Variants in FCGR3A observed in about 807,000 individuals in gnomAD.
FCGR3A encodes the protein Fc gamma receptor IIIa.
FCGR3A carries 13 observed loss-of-function variants against 24.1 expected under a neutral mutation model. That is an observed-to-expected ratio of 0.54 (90% CI 0.35 to 0.86). FCGR3A has a LOEUF of 0.86. Ranked by LOEUF, FCGR3A falls within the 40% of genes least tolerant of loss-of-function variation. The pLI is 0.01. For missense variants in FCGR3A, 235 were observed against 298.0 expected, an observed-to-expected ratio of 0.79 and a Z score of 1.56; for synonymous variants, 93 against 112.2, an observed-to-expected ratio of 0.83 and a Z score of 1.08.
At chr1:161,545,097 G>A (rs1287352707) in intron 3 of FCGR3A, 139 bp from the exon 4 acceptor site, 2 of 1,019,822 alleles carry the variant, frequency 2.0e-6, no homozygotes, top group Admixed American at 2.9e-5. Flanking sequence ...TCCCTTTGGG[G>A]AAGAGCTGAT....
upstream of FCGR3A, chr1:161,549,976 C>A (rs1208145041): frequency 3.4e-5 from 33 of 957,424 alleles, no homozygotes; most frequent in Non-Finnish European, 5.1e-5. Flanking sequence ...GGGTCTGCCC[C>A]CTTTACTCCC....
chr1:161,548,967 T>C lies in FCGR3A; in HGVS notation c.61+44A>G, dbSNP rs12128686. On this transcript the variant is annotated intron_variant, in intron 2 of 4. Coordinates refer to ENST00000443193, the MANE Select transcript of FCGR3A (RefSeq NM_000569.8). ...CAATATCTTATGGCCTTTGTCCCCATATGTGCCCCACTGGGTCAATCCAAG... is the reference window on the plus strand; with the variant it reads ...CAATATCTTATGGCCTTTGTCCCCACATGTGCCCCACTGGGTCAATCCAAG... 0.1 allele frequency: 162,292 copies of C among 1,589,464 alleles called. 8,933 individuals carry two copies. The highest frequency in any genetic ancestry group is 0.17 in the South Asian group (15,149 of 89,876).
At chr1:161,550,650 G>A (rs1387879016), upstream of FCGR3A, 1 of 132,098 alleles carries the variant, frequency 7.6e-6, no homozygotes, top group African/African-American at 4.1e-5. Context: ...AAAGGTGGAG[G>A]GGGGTGGCCA....
Position 161,542,187 on chromosome 1 carries a change from C to T in FCGR3A, c.*825G>A, listed in dbSNP as rs1250170022. 3 of 152,476 alleles carry T rather than the reference C, an allele frequency of 2.0e-5. No homozygotes were observed. Among genetic ancestry groups the T allele is most frequent in the Non-Finnish European group, 4.4e-5 (3 of 68,184 alleles). The allele number at this position is 152,476 out of a possible 1,614,324, so 9.4% of individuals were successfully genotyped here. ...GTGTGCTTGTGGTTGGTTCTTTCTTCTCAGGCTTTCTCATTCTGATGCTGA... is the reference window on the plus strand; with the variant it reads ...GTGTGCTTGTGGTTGGTTCTTTCTTTTCAGGCTTTCTCATTCTGATGCTGA... On this transcript the variant is annotated 3_prime_UTR_variant, in exon 5 of 5. Coordinates refer to ENST00000443193, the MANE Select transcript of FCGR3A (RefSeq NM_000569.8).
Position 161,548,083 on chromosome 1 carries a change from T to A in FCGR3A, c.319+338A>T, listed in dbSNP as rs528516737. On this transcript the variant is annotated intron_variant, in intron 3 of 4. Transcript: ENST00000443193. ...GATACTCTGTCTCAAAAAATAAAAT[T>A]AAAAAAAATGAAAATAAATATATAA... is the stretch of plus-strand genomic sequence containing the variant. 9.2e-5 allele frequency among the ~76,000 whole-genome samples: 14 copies of A among 152,252 alleles called. No homozygotes were observed. The East Asian group carries it at 2.3e-3, about 25-fold the overall frequency.
rs776245877 is a variant in FCGR3A, at chr1:161,549,714, G to A, written c.23C>T (p.Thr8Ile). ...TGACTTACCTAGAAGTAGCAGAGCA[G>A]TTGGGAGGAGCAGCTGCCACATGAT... is the stretch of plus-strand genomic sequence containing the variant. MWQLLLP[T>I]ALLLLVSAGM... Residue 8 changes from threonine (T) to isoleucine (I), a missense_variant, in exon 1 of 5, where the codon ACT becomes ATT. Transcript: ENST00000443193. 6.2e-7 allele frequency: 1 copy of A among 1,613,804 alleles called. No individual in the cohort carries two copies. The highest frequency in any genetic ancestry group is 1.3e-5 in the African/African-American group (1 of 74,886).
intron 3 of FCGR3A, 149 bp from the exon 4 acceptor site, chr1:161,545,107 T>G: frequency 1.3e-6 from 1 of 783,452 alleles, no homozygotes; most frequent in African/African-American, 1.7e-5. Flanking sequence ...GAAGAGCTGA[T>G]GGGGCCCTGC....
In FCGR3A at chr1:161,543,274, C is replaced by A. The variant is rs1677218326; in HGVS notation, c.578-75G>T. 1.2e-5 allele frequency: 19 copies of A among 1,538,922 alleles called. No homozygotes were observed. The South Asian group carries it at 2.3e-4, about 19-fold the overall frequency. On this transcript the variant is annotated intron_variant, in intron 4 of 4. Coordinates refer to ENST00000443193, the MANE Select transcript of FCGR3A (RefSeq NM_000569.8). ...ATATTTGGAACAAACAGTGAGGTCA[C>A]CAGTAGAAAGTCTTTGACAACAGCC...
Position 161,543,126 on chromosome 1 carries a change from G to A in FCGR3A, c.651C>T (p.Leu217=). 1 of 1,613,438 alleles carries A rather than the reference G, an allele frequency of 6.2e-7. No homozygotes were observed. Among genetic ancestry groups the A allele is most frequent in the Non-Finnish European group, 8.5e-7 (1 of 1,179,632 alleles). ...YQVSFCLVMV[L]LFAVDTGLYF... is the part of the protein sequence containing the mutation. The stretch of plus-strand genomic sequence containing the variant: ...ATAGTCCTGTGTCCACTGCAAAAAG[G>A]AGTACCATCACCAAGCAGAAAGAGA... The change falls in exon 5 of 5, where the codon CTC becomes CTT. Residue 217 remains leucine (L), a synonymous_variant. Coordinates refer to ENST00000443193, the MANE Select transcript of FCGR3A (RefSeq NM_000569.8).
Position 161,545,112 on chromosome 1 carries a change from C to A in FCGR3A, c.320-154G>T, listed in dbSNP as rs549482975. ...TCCCTTTGGGGAAGAGCTGATGGGGCCCTGCAAGAGAACTGAAGTCATACC... is the reference window on the plus strand; with the variant it reads ...TCCCTTTGGGGAAGAGCTGATGGGGACCTGCAAGAGAACTGAAGTCATACC... On this transcript the variant is annotated intron_variant, in intron 3 of 4. Transcript: ENST00000443193. Among the ~76,000 whole-genome samples, 604 of 152,200 alleles carry A rather than the reference C, an allele frequency of 4.0e-3. 1 individual carries two copies. Among genetic ancestry groups the A allele is most frequent in the South Asian group, 0.03 (146 of 4,820 alleles).
chr1:161,545,604 G>C (rs934946649), intron 3 of FCGR3A: 3 of 152,076 alleles, frequency 2.0e-5, no homozygotes, highest in African/African-American at 4.8e-5. Context: ...CTTCAAGAGA[G>C]GAAATTCTTG....
At position 161,549,688 on chromosome 1, in the gene FCGR3A, C is replaced by G; in HGVS notation, c.40+9G>C. 1.9e-6 allele frequency: 3 copies of G among 1,613,630 alleles called. No homozygotes were observed. Among genetic ancestry groups the G allele is most frequent in the Non-Finnish European group, 2.5e-6 (3 of 1,179,764 alleles). ...AACTTCTCCCTCAACCAGGGAGACC[C>G]TGACTTACCTAGAAGTAGCAGAGCA... On this transcript the variant is annotated intron_variant, in intron 1 of 4. Transcript: ENST00000443193.
intron 3 of FCGR3A, among the ~76,000 whole-genome samples, chr1:161,545,993 T>C (rs1216378654): frequency 3.3e-5 from 5 of 152,128 alleles, no homozygotes; most frequent in African/African-American, 4.8e-5. Flanking sequence ...TTTACTTTTA[T>C]ATATTTTTGA....
chr1:161,548,942 C>G, intron 2 of FCGR3A, 69 bp downstream of exon 2: 1 of 1,542,568 alleles, frequency 6.5e-7, no homozygotes, highest in Non-Finnish European at 9.0e-7. Context: ...AAGCATTTCC[C>G]AATATCTTAT....
At chr1:161,548,208 C>G (rs1173115964) in intron 3 of FCGR3A, among the ~76,000 whole-genome samples, 1 of 152,310 alleles carries the variant, frequency 6.6e-6, no homozygotes, top group Non-Finnish European at 1.5e-5. Flanking sequence ...TGCAATGCAG[C>G]AGTCCTATAT....
At chr1:161,547,853 T>A (rs1266241097) in intron 3 of FCGR3A, among the ~76,000 whole-genome samples, 1 of 152,306 alleles carries the variant, frequency 6.6e-6, no homozygotes, top group Non-Finnish European at 1.5e-5. Context: ...GTGAATCACC[T>A]GAGGTCAGGA....
At chr1:161,548,117 T>C (rs1374995062) in intron 3 of FCGR3A, among the ~76,000 whole-genome samples, 38 of 152,272 alleles carry the variant, frequency 2.5e-4, no homozygotes, top group Admixed American at 2.5e-3. Flanking sequence ...AAATAACTAT[T>C]ATTGAGCATC....
upstream of FCGR3A, chr1:161,550,546 C>T (rs1677716741): frequency 6.6e-6 from 1 of 152,540 alleles, no homozygotes; most frequent in Admixed American, 6.5e-5. Context: ...TCGTGTTACC[C>T]AGGTCCTGCG....
At chr1:161,546,829 C>A (rs535492150) in intron 3 of FCGR3A, among the ~76,000 whole-genome samples, 6 of 151,814 alleles carry the variant, frequency 4.0e-5, no homozygotes, top group African/African-American at 1.2e-4. Flanking sequence ...TGCTTGAACC[C>A]GGGAGGTGGA....
Sources: allele counts gnomAD v4.1 joint callset (sites outside exome capture counted in the v4.1 genomes callset), GRCh38; gene constraint gnomAD v4.1.1; transcripts MANE v1.5; gene names NCBI Gene and HGNC (gene_info 2026-07-23, HGNC 2026-07-21).